PLCB4: variants seen among roughly 807,000 people sequenced by gnomAD.
The protein encoded by PLCB4 is 1-phosphatidylinositol 4,5-bisphosphate phosphodiesterase beta-4.
A neutral mutation model predicts 178.8 loss-of-function variants in PLCB4; 77 were observed. The observed-to-expected ratio is 0.43, with a 90% confidence interval of 0.36 to 0.52. The LOEUF is 0.52. Among genes scored for constraint, PLCB4 ranks in the 20% least tolerant of loss-of-function variants. The pLI is 0.00. For synonymous variants in PLCB4, 496 were observed against 490.8 expected (o/e 1.01, Z -0.14); for missense variants, 1,024 against 1,453.4 (o/e 0.70, Z 4.80).
intron 4 of PLCB4, among the ~76,000 whole-genome samples, chr20:9,309,381 T>C (rs974902812): frequency 6.6e-6 from 1 of 152,216 alleles, no homozygotes; most frequent in Non-Finnish European, 1.5e-5. Context: ...TCCACTTCTG[T>C]GATATCTTCC....
intron 18 of PLCB4, among the ~76,000 whole-genome samples, chr20:9,394,507 A>G (rs1218162025): frequency 1.3e-5 from 2 of 152,170 alleles, no homozygotes; most frequent in African/African-American, 4.8e-5. Context: ...CCAAGTAAGT[A>G]TACTTACATC....
intron 2 of PLCB4, among the ~76,000 whole-genome samples, chr20:9,132,182 G>C (rs1377952581): frequency 6.6e-6 from 1 of 152,170 alleles, no homozygotes; most frequent in African/African-American, 2.4e-5. Context: ...CATGGTCTGT[G>C]CAAAAGGACA....
Position 9,186,127 on chromosome 20 carries a change from C to T in PLCB4, c.-78-31263C>T, listed in dbSNP as rs376565840. The stretch of plus-strand genomic sequence containing the variant: ...AGTAAATATTTGCTGAATAAATGAA[C>T]GCCCATTCAAGGGTGGTGTGGTGGG... On this transcript the variant is annotated intron_variant, in intron 2 of 39. Transcript: ENST00000378473. 1.1e-4 allele frequency among the ~76,000 whole-genome samples: 16 copies of T among 152,160 alleles called. No individual in the cohort carries two copies. In the East Asian group the frequency reaches 1.4e-3, roughly 13 times the overall value.
At chr20:9,351,616 C>T (rs6039444) in intron 7 of PLCB4, among the ~76,000 whole-genome samples, 42,148 of 151,998 alleles carry the variant, frequency 0.28, 8,849 homozygotes, top group African/African-American at 0.6. Context: ...CCTTAAAAGA[C>T]AGAGAACCAG....
intron 2 of PLCB4, among the ~76,000 whole-genome samples, chr20:9,179,528 C>G (rs1568903787): frequency 6.6e-6 from 1 of 152,150 alleles, no homozygotes; most frequent in Non-Finnish European, 1.5e-5. Context: ...ATCTACAGAA[C>G]TGTAAGATGA....
At chr20:9,293,824 G>T (rs1272193813) in intron 3 of PLCB4, among the ~76,000 whole-genome samples, 1 of 152,098 alleles carries the variant, frequency 6.6e-6, no homozygotes, top group African/African-American at 2.4e-5. Flanking sequence ...GTGGTGCCTG[G>T]CCCAGTTTCT....
chr20:9,462,853 A>G (rs530837496), intron 35 of PLCB4, among the ~76,000 whole-genome samples: 1 of 152,352 alleles, frequency 6.6e-6, no homozygotes, highest in Non-Finnish European at 1.5e-5. Context: ...TTAGGATATC[A>G]TCCAGTAGAA....
chr20:9,414,100 G>C (rs1197238351), intron 25 of PLCB4, among the ~76,000 whole-genome samples: 1 of 152,222 alleles, frequency 6.6e-6, no homozygotes, highest in Non-Finnish European at 1.5e-5. Context: ...TACCTTCACA[G>C]AAAAGGATAC....
At position 9,081,768 on chromosome 20, in the gene PLCB4, C is replaced by CAA. The variant is rs10629831; in HGVS notation, c.-135+12576_-135+12577dup. 1.7e-4 allele frequency among the ~76,000 whole-genome samples: 15 copies of CAA among 90,472 alleles called. 1 individual carries two copies. Among genetic ancestry groups the CAA allele is most frequent in the Non-Finnish European group, 2.7e-4 (13 of 48,806 alleles). 59.4% of individuals were successfully genotyped at this position (90,472 alleles called of 152,430 possible). ...TTAGGAAAACAATCTGATGATTAAG[C>CAA]AAAAAAAAAAAAAAAGCCAAAGTTT... On this transcript the variant is annotated intron_variant, in intron 1 of 39. Transcript: ENST00000378473.
chr20:9,262,316 C>T (rs1476669279), intron 3 of PLCB4, among the ~76,000 whole-genome samples: 4 of 151,706 alleles, frequency 2.6e-5, no homozygotes, highest in Middle Eastern at 3.4e-3. Context: ...GGTGAGTGAG[C>T]GAGTGAGTGA....
chr20:9,380,408 G>A (rs945032460), intron 13 of PLCB4, among the ~76,000 whole-genome samples: 6 of 152,132 alleles, frequency 3.9e-5, no homozygotes, highest in African/African-American at 1.4e-4. Flanking sequence ...GTTTCCCCAT[G>A]TACTTTCTTG....
At chr20:9,281,369 A>C (rs2094493613) in intron 3 of PLCB4, among the ~76,000 whole-genome samples, 1 of 152,074 alleles carries the variant, frequency 6.6e-6, no homozygotes. Flanking sequence ...TTAATTAGCA[A>C]GTGATATTAT....
chr20:9,361,710 T>C (rs1014743064), intron 7 of PLCB4, among the ~76,000 whole-genome samples: 1 of 152,192 alleles, frequency 6.6e-6, no homozygotes, highest in African/African-American at 2.4e-5. Flanking sequence ...AACAAAACCA[T>C]ACTCTGTTAG....
chr20:9,216,946 C>A (rs919747259), intron 2 of PLCB4, among the ~76,000 whole-genome samples: 2 of 152,002 alleles, frequency 1.3e-5, no homozygotes, highest in African/African-American at 4.8e-5. Flanking sequence ...AAAGACAATA[C>A]GGAAACAGCC....
intron 3 of PLCB4, among the ~76,000 whole-genome samples, chr20:9,267,005 T>C (rs184386808): frequency 6.6e-6 from 1 of 152,260 alleles, no homozygotes; most frequent in East Asian, 1.9e-4. Flanking sequence ...ATTTCACAAA[T>C]AGAACAGAGC....
chr20:9,275,115 C>A (rs183779724), intron 3 of PLCB4, among the ~76,000 whole-genome samples: 20 of 152,130 alleles, frequency 1.3e-4, no homozygotes, highest in African/African-American at 4.3e-4. Context: ...TAAAAACATA[C>A]CCGAGTCTGG....
intron 2 of PLCB4, among the ~76,000 whole-genome samples, chr20:9,165,636 G>A (rs113588687): frequency 2.1e-3 from 322 of 152,272 alleles, no homozygotes; most frequent in Middle Eastern, 6.8e-3. Flanking sequence ...GAGAAATCCT[G>A]CAGAATAGAA....
intron 2 of PLCB4, among the ~76,000 whole-genome samples, chr20:9,169,697 G>A (rs1380138588): frequency 6.6e-6 from 1 of 152,144 alleles, no homozygotes; most frequent in Non-Finnish European, 1.5e-5. Context: ...GGGTGTTGGT[G>A]TGATACTCCA....
chr20:9,338,255 C>T lies in PLCB4; in HGVS notation c.225+188C>T, dbSNP rs192857444. On this transcript the variant is annotated intron_variant, in intron 6 of 39. Coordinates refer to ENST00000378473, the MANE Select transcript of PLCB4 (RefSeq NM_001377142.1). ...ATTTATTCACATGAAACCTCTGTGA[C>T]TCTCCTCTGGTGAGAGAGAGGCTTT... Among the ~76,000 whole-genome samples the T allele has an allele frequency of 5.3e-5, 8 of 152,312 alleles. No individual in the cohort carries two copies. The East Asian group carries it at 1.4e-3, about 26-fold the overall frequency.
Sources: allele counts gnomAD v4.1 joint callset (sites outside exome capture counted in the v4.1 genomes callset), GRCh38; gene constraint gnomAD v4.1.1; transcripts MANE v1.5; gene names NCBI Gene and HGNC (gene_info 2026-07-23, HGNC 2026-07-21).